The following BRCC3 variants were observed in gnomAD, a reference collection of about 807,000 sequenced individuals.
BRCC3 encodes the protein BRCA1/BRCA2-containing complex subunit 3.
BRCC3 carries 15 observed loss-of-function variants against 28.0 expected under a neutral mutation model. The ratio of observed to expected loss-of-function variants is 0.54; its 90% CI spans 0.36 to 0.82. The LOEUF (loss-of-function observed/expected upper bound fraction) is 0.82. Among genes scored for constraint, BRCC3 ranks in the 40% least tolerant of loss-of-function variants. The pLI is 0.01. For synonymous variants in BRCC3, 66 were observed against 80.3 expected, an observed-to-expected ratio of 0.82 and a Z score of 0.95; for missense variants, 109 against 225.9, an observed-to-expected ratio of 0.48 and a Z score of 3.32.
At chrX:155,080,776 C>T (rs927821480) in intron 5 of BRCC3, among the ~76,000 whole-genome samples, 1 of 111,962 alleles carries the variant, frequency 8.9e-6, no homozygotes, top group Admixed American at 9.5e-5. Flanking sequence ...TCTGTAGTTT[C>T]CTCTCTGTCA....
chrX:155,108,357 G>A (rs2074297940), intron 7 of BRCC3, among the ~76,000 whole-genome samples: 2 of 111,763 alleles, frequency 1.8e-5, no homozygotes, highest in Non-Finnish European at 3.8e-5. Flanking sequence ...TTTCCAATTT[G>A]GGGCTCTTAT....
intron 3 of BRCC3, among the ~76,000 whole-genome samples, chrX:155,075,624 C>G (rs1439496526): frequency 8.9e-6 from 1 of 112,186 alleles, no homozygotes; most frequent in Admixed American, 9.5e-5. Flanking sequence ...TCCACCATCA[C>G]CCATGGTCCA....
At chrX:155,080,883 T>C (rs200262443) in intron 5 of BRCC3, among the ~76,000 whole-genome samples, 1 of 112,232 alleles carries the variant, frequency 8.9e-6, no homozygotes, top group East Asian at 2.8e-4. Flanking sequence ...ACCTATAAAA[T>C]GAGCAACAAA....
intron 7 of BRCC3, among the ~76,000 whole-genome samples, chrX:155,115,276 C>G (rs1324789067): frequency 9.0e-6 from 1 of 111,612 alleles, no homozygotes; most frequent in African/African-American, 3.3e-5. Context: ...CTTGTAATGC[C>G]CCACCATTTG....
intron 7 of BRCC3, among the ~76,000 whole-genome samples, chrX:155,096,457 A>T (rs1245829047): frequency 1.8e-5 from 2 of 112,218 alleles, no homozygotes; most frequent in Non-Finnish European, 1.9e-5. Flanking sequence ...AAGGATTTTA[A>T]TGGACGTTTT....
chrX:155,072,214 G>C, intron 1 of BRCC3, 113 bp from the exon 2 acceptor site: 1 of 600,172 alleles, frequency 1.7e-6, no homozygotes, highest in Non-Finnish European at 2.7e-6. Context: ...TAATTCTCCA[G>C]TCTTTCATAC....
At chrX:155,097,740 T>C (rs1199774271) in intron 7 of BRCC3, among the ~76,000 whole-genome samples, 2 of 112,636 alleles carry the variant, frequency 1.8e-5, no homozygotes, top group Non-Finnish European at 1.9e-5. Flanking sequence ...TATTACCATA[T>C]GATTCAGCAG....
At chrX:155,115,549 T>G (rs1179138431) in intron 7 of BRCC3, among the ~76,000 whole-genome samples, 5 of 112,589 alleles carry the variant, frequency 4.4e-5, no homozygotes, top group Non-Finnish European at 9.4e-5. Context: ...TTTGTGAATT[T>G]CTTACCTATT....
chrX:155,108,991 CA>C (rs2074301889), intron 7 of BRCC3, among the ~76,000 whole-genome samples: 1 of 111,919 alleles, frequency 8.9e-6, no homozygotes, highest in African/African-American at 3.2e-5. Context: ...CTTAAATCTA[CA>C]ATCTACTTAG....
At position 155,077,267 on chromosome X, in the gene BRCC3, C is replaced by G; in HGVS notation, c.293C>G (p.Ser98Cys). The G allele has an allele frequency of 8.4e-7, 1 of 1,186,884 alleles. No homozygotes were observed. The highest frequency in any genetic ancestry group is 1.1e-6 in the Non-Finnish European group (1 of 879,359). ...GTAGAAATTTCTCCAGAGCAGCTGT[C>G]TGCAGCTTCAACAGAGGCAGAGATA... is the stretch of plus-strand genomic sequence containing the variant. ...DRVEISPEQL[S>C]AASTEAERLA... The change falls in exon 4 of 11, where the codon TCT becomes TGT. Residue 98 changes from serine (S) to cysteine (C), a missense_variant. Ser to Cys is a moderately radical substitution (Grantham distance 112, BLOSUM62 -1). Around this residue, in one of 3 missense-constraint regions of BRCC3, gnomAD observed 58 missense variants for 92.8 expected, o/e 0.63. Transcript: ENST00000330045.
chrX:155,073,151 T>A (rs1557292854), intron 2 of BRCC3, among the ~76,000 whole-genome samples: 5 of 111,757 alleles, frequency 4.5e-5, no homozygotes, highest in Non-Finnish European at 9.4e-5. Flanking sequence ...ATTCCAGGAA[T>A]TTAGCTTTGT....
rs782208413 is a variant in BRCC3, at chrX:155,103,585, T to C, written c.549-12472T>C. Among the ~76,000 whole-genome samples, 6 of 112,507 alleles carry C rather than the reference T, an allele frequency of 5.3e-5. No individual in the cohort carries two copies. The South Asian group carries it at 1.1e-3, about 21-fold the overall frequency. On this transcript the variant is annotated intron_variant, in intron 7 of 10. Coordinates refer to ENST00000330045, the MANE Select transcript of BRCC3 (RefSeq NM_001018055.3). ...AAGGCTTCTTTTAAGATTTTGTTTT[T>C]ATCACTGGCTTTAAACCATTTGAGT... is the stretch of plus-strand genomic sequence containing the variant.
intron 3 of BRCC3, 83 bp downstream of exon 3, chrX:155,073,514 C>A: frequency 9.9e-7 from 1 of 1,014,466 alleles, no homozygotes; most frequent in Non-Finnish European, 1.3e-6. Context: ...CCAGAGTATG[C>A]GGTTTCTGGC....
chrX:155,087,198 G>A (rs782049885), intron 5 of BRCC3, among the ~76,000 whole-genome samples: 1 of 111,896 alleles, frequency 8.9e-6, no homozygotes, highest in African/African-American at 3.3e-5. Flanking sequence ...TGCTCAGAGG[G>A]GGTACATCCA....
At chrX:155,098,407 A>C (rs2074224720) in intron 7 of BRCC3, among the ~76,000 whole-genome samples, 1 of 112,500 alleles carries the variant, frequency 8.9e-6, no homozygotes, top group Non-Finnish European at 1.9e-5. Flanking sequence ...CTAGTATGTT[A>C]ATTTTTAACA....
At position 155,116,113 on chromosome X, in the gene BRCC3, T is replaced by C. The variant is rs1315664954; in HGVS notation, c.605T>C (p.Val202Ala). The change falls in exon 8 of 11, where the codon GTG (valine) becomes GCG (alanine). Residue 202 changes from valine (V) to alanine (A), a missense_variant. By Grantham distance (64) the Val-to-Ala change is moderately conservative. Transcript: ENST00000330045. ...HIVPHVTIGK[V>A]CLESAVELPK... ...GTACCTCATGTCACTATCGGGAAAGTGTGCCTTGAATCAGCAGTAGAGCTG... is the reference window on the plus strand; with the variant it reads ...GTACCTCATGTCACTATCGGGAAAGCGTGCCTTGAATCAGCAGTAGAGCTG... 110 of 1,206,226 alleles carry C rather than the reference T, an allele frequency of 9.1e-5. No homozygotes were observed. Among genetic ancestry groups the C allele is most frequent in the Non-Finnish European group, 1.2e-4 (107 of 893,003 alleles).
chrX:155,118,987 A>G (rs1337129212), intron 9 of BRCC3, among the ~76,000 whole-genome samples: 1 of 111,942 alleles, frequency 8.9e-6, no homozygotes, highest in East Asian at 2.8e-4. Context: ...AGGAGGAAAA[A>G]TATAAGAATT....
chrX:155,075,319 CTAA>C (rs2074028970), intron 3 of BRCC3, among the ~76,000 whole-genome samples: 1 of 52,404 alleles, frequency 1.9e-5, no homozygotes, highest in African/African-American at 5.1e-4. Context: ...CTTCCCCACA[CTAA>C]ATGTGGCCAC....
At chrX:155,076,981 G>C (rs1448348602) in intron 3 of BRCC3, among the ~76,000 whole-genome samples, 189 bp from the exon 4 acceptor site, 4 of 111,952 alleles carry the variant, frequency 3.6e-5, no homozygotes, top group African/African-American at 1.3e-4. Flanking sequence ...TTATATTTTT[G>C]TGTCTGAAAT....
Sources: allele counts gnomAD v4.1 joint callset (sites outside exome capture counted in the v4.1 genomes callset), GRCh38; gene constraint gnomAD v4.1.1; regional missense constraint gnomAD v4.1.1; transcripts MANE v1.5; gene names NCBI Gene and HGNC (gene_info 2026-07-23, HGNC 2026-07-21).